Variants in MGAT4C observed in about 807,000 individuals in gnomAD.
MGAT4C encodes alpha-1,3-mannosyl-glycoprotein 4-beta-N-acetylglucosaminyltransferase C.
A neutral mutation model predicts 40.1 loss-of-function variants in MGAT4C; 19 were observed. The observed-to-expected ratio is 0.47, with a 90% CI of 0.33 to 0.70. The LOEUF is 0.70. Ranked by LOEUF, MGAT4C falls within the 30% of genes least tolerant of loss-of-function variation. MGAT4C has a pLI of 0.02. For synonymous variants in MGAT4C, 181 were observed against 187.1 expected, an observed-to-expected ratio of 0.97 and a Z score of 0.27; for missense variants, 491 against 563.2, an observed-to-expected ratio of 0.87 and a Z score of 1.30.
chr12:86,487,184 G>A (rs559693751), intron 2 of MGAT4C, among the ~76,000 whole-genome samples: 4 of 152,256 alleles, frequency 2.6e-5, no homozygotes, highest in East Asian at 1.9e-4. Context: ...TGTTTAAAGG[G>A]ATCATTCTCT....
At chr12:86,416,399 A>G (rs146057306) in intron 3 of MGAT4C, among the ~76,000 whole-genome samples, 20 of 152,212 alleles carry the variant, frequency 1.3e-4, no homozygotes, top group African/African-American at 4.6e-4. Context: ...AGAATGCTGG[A>G]GATTTTTAAA....
At chr12:86,425,411 C>T (rs986241806) in intron 3 of MGAT4C, among the ~76,000 whole-genome samples, 1 of 152,068 alleles carries the variant, frequency 6.6e-6, no homozygotes, top group Non-Finnish European at 1.5e-5. Flanking sequence ...TGCTCTCTTG[C>T]TCTGTCTCTC....
chr12:86,632,290 GC>G (rs1306585935), intron 2 of MGAT4C, among the ~76,000 whole-genome samples: 1 of 152,022 alleles, frequency 6.6e-6, no homozygotes. Flanking sequence ...AAATAGGAAT[GC>G]TTTTACACTG....
At chr12:86,244,273 AG>A (rs1229394346) in intron 1 of MGAT4C, among the ~76,000 whole-genome samples, 14 of 152,210 alleles carry the variant, frequency 9.2e-5, no homozygotes, top group Non-Finnish European at 2.1e-4. Context: ...CTGCCACAGC[AG>A]CTCGAGGGCT....
At chr12:86,416,722 G>C (rs1345673096) in intron 3 of MGAT4C, among the ~76,000 whole-genome samples, 1 of 152,044 alleles carries the variant, frequency 6.6e-6, no homozygotes, top group East Asian at 1.9e-4. Context: ...GAAAAATTAG[G>C]AAAAGGACTA....
intron 3 of MGAT4C, among the ~76,000 whole-genome samples, chr12:86,422,656 C>T (rs1466569578): frequency 1.3e-5 from 2 of 152,058 alleles, no homozygotes; most frequent in Non-Finnish European, 2.9e-5. Flanking sequence ...TTTCTATTTC[C>T]TTTTTATAAC....
chr12:86,489,680 C>A (rs926630348), intron 2 of MGAT4C, among the ~76,000 whole-genome samples: 31 of 152,166 alleles, frequency 2.0e-4, no homozygotes, highest in Non-Finnish European at 3.7e-4. Context: ...CTTGTTTGCT[C>A]ATACACTCCC....
intron 1 of MGAT4C, among the ~76,000 whole-genome samples, chr12:86,804,413 TAATAAAAA>T (rs1009939497): frequency 3.4e-5 from 5 of 149,144 alleles, no homozygotes; most frequent in Non-Finnish European, 6.0e-5. Context: ...ACTTAAAGTA[TAATAAAAA>T]AATAAAAAAA....
At chr12:86,026,935 A>G (rs985327229) in intron 2 of MGAT4C, among the ~76,000 whole-genome samples, 1 of 152,004 alleles carries the variant, frequency 6.6e-6, no homozygotes, top group Non-Finnish European at 1.5e-5. Context: ...CCATTTACTA[A>G]GTGGAAGGTA....
intron 1 of MGAT4C, among the ~76,000 whole-genome samples, chr12:86,770,035 G>T (rs1329616971): frequency 6.6e-6 from 1 of 151,680 alleles, no homozygotes; most frequent in Non-Finnish European, 1.5e-5. Flanking sequence ...AAAAAAGAAT[G>T]ACATTATTAG....
At chr12:86,509,767 G>C (rs1488518062) in intron 2 of MGAT4C, among the ~76,000 whole-genome samples, 1 of 152,046 alleles carries the variant, frequency 6.6e-6, no homozygotes, top group Admixed American at 6.6e-5. Context: ...TCCTTGAAGA[G>C]GTCCTTCACA....
At chr12:86,699,587 T>A (rs2136611631) in intron 2 of MGAT4C, among the ~76,000 whole-genome samples, 1 of 152,186 alleles carries the variant, frequency 6.6e-6, no homozygotes, top group Admixed American at 6.6e-5. Context: ...TTAACCCCAG[T>A]GCAGCCAAAA....
intron 1 of MGAT4C, among the ~76,000 whole-genome samples, chr12:86,739,594 A>G (rs1951035893): frequency 6.6e-6 from 1 of 151,036 alleles, no homozygotes; most frequent in African/African-American, 2.4e-5. Flanking sequence ...ATTATTCTCT[A>G]AACAATACAG....
chr12:86,544,867 T>C (rs904760037), intron 2 of MGAT4C, among the ~76,000 whole-genome samples: 3 of 152,108 alleles, frequency 2.0e-5, no homozygotes, highest in African/African-American at 7.2e-5. Context: ...AATAGATACA[T>C]TATTCTTAGA....
intron 2 of MGAT4C, among the ~76,000 whole-genome samples, chr12:86,545,927 C>T (rs1378490261): frequency 6.6e-6 from 1 of 151,890 alleles, no homozygotes; most frequent in Non-Finnish European, 1.5e-5. Context: ...AAGCTTTAAA[C>T]TGCTATTATA....
intron 1 of MGAT4C, among the ~76,000 whole-genome samples, chr12:86,186,052 A>T: frequency 6.6e-6 from 1 of 152,140 alleles, no homozygotes; most frequent in East Asian, 1.9e-4. Flanking sequence ...AAAGAATGAA[A>T]TCATTTAGCT....
intron 3 of MGAT4C, among the ~76,000 whole-genome samples, chr12:86,346,214 TTTTTTGTTTTTG>T (rs950541110): frequency 1.3e-5 from 2 of 151,988 alleles, no homozygotes; most frequent in African/African-American, 2.4e-5. Flanking sequence ...ACTAGGTAGT[TTTTTTGTTTTTG>T]TTTTTGTTTT....
rs1158634558 is a variant in MGAT4C, at chr12:86,739,520, A to C, written c.-261-12279T>G. Among the ~76,000 whole-genome samples, 4 of 150,774 alleles carry C rather than the reference A, an allele frequency of 2.7e-5. No individual in the cohort carries two copies. The East Asian group carries it at 7.8e-4, about 29-fold the overall frequency. On this transcript the variant is annotated intron_variant, in intron 1 of 7. Coordinates refer to the MGAT4C transcript ENST00000548651. ...GTAGGTTCAGCAACTGCAGATGTAA[A>C]ATATTTGGGGGAAAAAAAAAGGATG...
intron 1 of MGAT4C, among the ~76,000 whole-genome samples, chr12:86,810,262 A>T (rs1322634626): frequency 1.3e-5 from 2 of 151,974 alleles, no homozygotes; most frequent in African/African-American, 4.8e-5. Context: ...CTTATGTTAT[A>T]AGAAATAATC....
Sources: allele counts gnomAD v4.1 joint callset (sites outside exome capture counted in the v4.1 genomes callset), GRCh38; gene constraint gnomAD v4.1.1; transcripts MANE v1.5; gene names NCBI Gene and HGNC (gene_info 2026-07-23, HGNC 2026-07-21).